Variants in NOL3 observed in about 807,000 individuals in gnomAD.
NOL3 encodes the protein nucleolar protein 3.
A neutral mutation model predicts 19.2 loss-of-function variants in NOL3; 18 were observed. The ratio of observed to expected loss-of-function variants is 0.94; its 90% CI spans 0.65 to 1.39. The LOEUF (loss-of-function observed/expected upper bound fraction) is 1.39. NOL3 is among the 40% of genes most tolerant of loss of function. The probability of loss-of-function intolerance (pLI) is 0.00; values close to 1 mark genes in which losing one functional copy is unlikely to be tolerated. For missense variants in NOL3, 290 were observed against 289.5 expected (o/e 1.00, Z -0.01); for synonymous variants, 127 against 137.3 (o/e 0.93, Z 0.52).
exon 3 of NOL3, chr16:67,174,844 A>G: frequency 6.2e-7 from 1 of 1,606,824 alleles, no homozygotes; most frequent in South Asian, 1.1e-5. Flanking sequence ...AGCCAGAGCC[A>G]GAGCTGGAAC....
exon 2 of NOL3, chr16:67,174,394 G>C: frequency 6.4e-7 from 1 of 1,554,674 alleles, no homozygotes. Context: ...CCTGCCAGGA[G>C]CTGCTACGCT....
At chr16:67,175,304 C>T in exon 4 of NOL3, 2 of 1,410,332 alleles carry the variant, frequency 1.4e-6, no homozygotes, top group Non-Finnish European at 1.8e-6. Flanking sequence ...ATCCAGTCCT[C>T]AGCCCTAATC....
In NOL3 at chr16:67,172,973, C is replaced by CT. The variant is rs1360103154; in HGVS notation, c.-8-1188dup. 1.6e-4 allele frequency: 19 copies of CT among 119,478 alleles called. 1 individual carries two copies. In the East Asian group the frequency reaches 4.5e-3, roughly 29 times the overall value. 7.4% of individuals were successfully genotyped at this position (119,478 alleles called of 1,614,324 possible). On this transcript the variant is annotated intron_variant, in intron 1 of 3. Coordinates refer to ENST00000268605, the Ensembl canonical transcript of NOL3. ...AAATATATATAGCAAGACCCCACCTCTAAAAAAAAAAAAAAAAAAAAAGGC... is the reference window on the plus strand; with the variant it reads ...AAATATATATAGCAAGACCCCACCTCTTAAAAAAAAAAAAAAAAAAAAAGGC...
At position 67,173,910 on chromosome 16, in the gene NOL3, G is replaced by C. The variant is rs547527003; in HGVS notation, c.-8-252G>C. On this transcript the variant is annotated intron_variant, in intron 1 of 3. Transcript: ENST00000268605. ...AGGCAGGGGAGGAGAGGAGAGCCAC[G>C]GCTGACGCTTGGGGACAGAAGGAGG... 40 of 1,536,060 alleles carry C rather than the reference G, an allele frequency of 2.6e-5. No homozygotes were observed. In the African/African-American group the frequency reaches 5.2e-4, roughly 20 times the overall value.
intron 3 of NOL3, 26 bp downstream of exon 3, chr16:67,174,970 C>A: frequency 6.2e-7 from 1 of 1,608,806 alleles, no homozygotes; most frequent in Non-Finnish European, 8.5e-7. Flanking sequence ...AACCCTGAGC[C>A]GGCTTGGCGG....
intron 1 of NOL3, among the ~76,000 whole-genome samples, chr16:67,173,467 G>A (rs1163498666): frequency 6.6e-6 from 1 of 152,140 alleles, no homozygotes; most frequent in Non-Finnish European, 1.5e-5. Context: ...TGTAGAGGCG[G>A]GGCTTGTCCT....
At chr16:67,173,153 C>T (rs2031875212) in intron 1 of NOL3, 1 of 151,506 alleles carries the variant, frequency 6.6e-6, no homozygotes, top group African/African-American at 2.4e-5. Context: ...AAAATCAGTC[C>T]AAGTTCGGCA....
chr16:67,175,217 G>T, exon 4 of NOL3: 1 of 1,516,880 alleles, frequency 6.6e-7, no homozygotes. Flanking sequence ...CACGATTCTG[G>T]CTGTTTGCCC....
At chr16:67,174,561 G>A in intron 2 of NOL3, 60 bp from the exon 3 acceptor site, 4 of 1,502,092 alleles carry the variant, frequency 2.7e-6, no homozygotes, top group Admixed American at 2.3e-5. Flanking sequence ...GCTAGAAGTA[G>A]GCGAGTGTGA....
At chr16:67,174,849 T>C (rs1282404554) in exon 3 of NOL3, 2 of 1,607,100 alleles carry the variant, frequency 1.2e-6, no homozygotes, top group South Asian at 1.1e-5. Flanking sequence ...GAGCCAGAGC[T>C]GGAACCCGAG....
exon 4 of NOL3, chr16:67,175,167 G>T (rs757041903): frequency 1.6e-5 from 25 of 1,585,458 alleles, no homozygotes; most frequent in Non-Finnish European, 2.1e-5. Context: ...CGCTGGAAGT[G>T]AATAAACTCC....
intron 1 of NOL3, among the ~76,000 whole-genome samples, chr16:67,173,256 C>G (rs1195035676): frequency 6.6e-6 from 1 of 152,060 alleles, no homozygotes; most frequent in African/African-American, 2.4e-5. Context: ...AGCAGGGAGC[C>G]AGGTGGGTCA....
In NOL3 at chr16:67,175,040, T is replaced by C. The variant is rs755146054; in HGVS notation, c.620-7T>C. On this transcript the variant is annotated splice_polypyrimidine_tract_variant and splice_region_variant and intron_variant, in intron 3 of 3. Coordinates refer to ENST00000268605, the Ensembl canonical transcript of NOL3. The stretch of plus-strand genomic sequence containing the variant: ...ACCTCTTTGACCACTGTTCCCGTCA[T>C]CTCTAGATTCCTGAAGGCCAGAGCT... 35 of 1,614,042 alleles carry C rather than the reference T, an allele frequency of 2.2e-5. No individual in the cohort carries two copies. Among genetic ancestry groups the C allele is most frequent in the Non-Finnish European group, 3.0e-5 (35 of 1,179,996 alleles).
chr16:67,173,936 A>G, intron 1 of NOL3: 1 of 1,536,298 alleles, frequency 6.5e-7, no homozygotes, highest in Non-Finnish European at 8.7e-7. Context: ...CAGAAGGAGG[A>G]GCCTGAGGAG....
intron 1 of NOL3, 31 bp from the exon 2 acceptor site, chr16:67,174,131 C>G: frequency 6.2e-7 from 1 of 1,603,956 alleles, no homozygotes. Flanking sequence ...AGGGCAACCC[C>G]CCATTACTTC....
exon 3 of NOL3, chr16:67,174,903 C>T (rs201221648): frequency 4.8e-5 from 77 of 1,613,618 alleles, no homozygotes; most frequent in Non-Finnish European, 6.1e-5. Context: ...GAACCGGACC[C>T]AGAGCCCGAG....
chr16:67,173,957 A>AT (rs2145950112), intron 1 of NOL3: 1 of 1,537,024 alleles, frequency 6.5e-7, no homozygotes, highest in Non-Finnish European at 8.7e-7. Context: ...GAGACAGGAC[A>AT]GAGCGTCTGG....
At chr16:67,175,144 T>G in exon 4 of NOL3, 1 of 1,611,370 alleles carries the variant, frequency 6.2e-7, no homozygotes, top group South Asian at 1.1e-5. Flanking sequence ...CAAGGCTCGG[T>G]CCAGCCCAGT....
exon 4 of NOL3, chr16:67,175,244 T>C: frequency 2.7e-6 from 4 of 1,481,626 alleles, no homozygotes; most frequent in Non-Finnish European, 3.6e-6. Flanking sequence ...TTAGGGTGGG[T>C]ACCTCTGAGT....
Sources: gnomAD v4.1 joint callset for allele counts (sites outside exome capture counted in the v4.1 genomes callset) on GRCh38, gnomAD v4.1.1 for gene constraint, MANE v1.5 for transcripts, NCBI Gene and HGNC (gene_info 2026-07-23, HGNC 2026-07-21) for gene names.